The following DLGAP2 variants were observed in gnomAD, a reference collection of about 807,000 sequenced individuals.
DLGAP2 encodes disks large-associated protein 2.
DLGAP2 carries 26 observed loss-of-function variants against 100.3 expected under a neutral mutation model. The ratio of observed to expected loss-of-function variants is 0.26; its 90% CI spans 0.19 to 0.36. DLGAP2 has a LOEUF of 0.36. Among genes scored for constraint, DLGAP2 ranks in the 10% least tolerant of loss-of-function variants. The pLI, the probability that DLGAP2 is intolerant of heterozygous loss-of-function variation, is 1.00. For synonymous variants in DLGAP2, 886 were observed against 630.1 expected (o/e 1.41, Z -6.08); for missense variants, 1,858 against 1,453.2 (o/e 1.28, Z -4.53).
intron 12 of DLGAP2, among the ~76,000 whole-genome samples, chr8:1,683,938 GTATA>G (rs1260015924): frequency 1.2e-4 from 10 of 80,656 alleles, no homozygotes; most frequent in Non-Finnish European, 2.2e-4. Context: ...GTATATATGT[GTATA>G]TATATATGTG....
At chr8:993,542 C>T (rs943392647) in intron 2 of DLGAP2, among the ~76,000 whole-genome samples, 1 of 151,910 alleles carries the variant, frequency 6.6e-6, no homozygotes, top group African/African-American at 2.4e-5. Context: ...TCTCTCCCAT[C>T]TCCAGGAACT....
At chr8:1,131,234 C>T (rs1036897621) in intron 2 of DLGAP2, among the ~76,000 whole-genome samples, 3 of 152,100 alleles carry the variant, frequency 2.0e-5, no homozygotes, top group Admixed American at 6.5e-5. Context: ...GTGCCGGGCA[C>T]GTGCCTGCTT....
intron 2 of DLGAP2, among the ~76,000 whole-genome samples, chr8:1,003,884 A>C (rs986612277): frequency 6.6e-6 from 1 of 152,156 alleles, no homozygotes; most frequent in Admixed American, 6.5e-5. Flanking sequence ...CCATACAGAC[A>C]TTTCTTACTT....
At chr8:1,640,527 C>A (rs978125700) in intron 8 of DLGAP2, among the ~76,000 whole-genome samples, 2 of 152,178 alleles carry the variant, frequency 1.3e-5, no homozygotes, top group African/African-American at 4.8e-5. Flanking sequence ...TTGTCATGAT[C>A]CCCATTAGAA....
At chr8:903,002 T>TTCGG (rs1798293549) in intron 1 of DLGAP2, among the ~76,000 whole-genome samples, 3 of 9,658 alleles carry the variant, frequency 3.1e-4, no homozygotes, top group African/African-American at 1.3e-3. Flanking sequence ...GCGGAAAGTG[T>TTCGG]GTGGGTGGGC....
At chr8:1,510,654 G>A (rs1800129588) in intron 4 of DLGAP2, among the ~76,000 whole-genome samples, 1 of 152,226 alleles carries the variant, frequency 6.6e-6, no homozygotes, top group South Asian at 2.1e-4. Context: ...TTCTGCAGGT[G>A]AGGAAACTGA....
At chr8:1,192,063 T>C (rs771004608) in intron 2 of DLGAP2, among the ~76,000 whole-genome samples, 1 of 152,200 alleles carries the variant, frequency 6.6e-6, no homozygotes, top group Non-Finnish European at 1.5e-5. Flanking sequence ...CTCCCAGGGC[T>C]CTCTGAGATG....
chr8:938,100 T>C (rs1799112771), intron 2 of DLGAP2, among the ~76,000 whole-genome samples: 1 of 152,130 alleles, frequency 6.6e-6, no homozygotes, highest in South Asian at 2.1e-4. Flanking sequence ...GCTTCCTGAC[T>C]TAGGACATCA....
At chr8:1,505,317 AC>A (rs759499451) in intron 4 of DLGAP2, among the ~76,000 whole-genome samples, 2 of 152,234 alleles carry the variant, frequency 1.3e-5, no homozygotes, top group Non-Finnish European at 2.9e-5. Context: ...ATTTTACAGC[AC>A]AGTATAGGTT....
intron 8 of DLGAP2, among the ~76,000 whole-genome samples, chr8:1,667,399 G>A (rs904739451): frequency 3.3e-5 from 5 of 152,148 alleles, no homozygotes; most frequent in African/African-American, 9.7e-5. Context: ...ACTCGAGTTT[G>A]GGAGGAGACT....
Position 1,213,492 on chromosome 8 carries a change from T to C in DLGAP2, c.74-45359T>C, listed in dbSNP as rs116527884. On this transcript the variant is annotated intron_variant, in intron 2 of 14. Coordinates refer to ENST00000637795, the MANE Select transcript of DLGAP2 (RefSeq NM_001346810.2). Reference sequence around the variant, plus strand: ...ACTCACCATATTGCTCACATTATAATGTTAAATATTCCTGACTTTATATCA... The same window carrying C: ...ACTCACCATATTGCTCACATTATAACGTTAAATATTCCTGACTTTATATCA... Among the ~76,000 whole-genome samples, 1,044 of 152,324 alleles carry C rather than the reference T, an allele frequency of 6.9e-3. 17 individuals carry two copies. Among genetic ancestry groups the C allele is most frequent in the African/African-American group, 0.023 (968 of 41,570 alleles).
At chr8:771,794 A>C (rs1821368266) in intron 1 of DLGAP2, among the ~76,000 whole-genome samples, 1 of 152,224 alleles carries the variant, frequency 6.6e-6, no homozygotes, top group South Asian at 2.1e-4. Flanking sequence ...TAACCATAAA[A>C]ATTGAAGTGG....
intron 2 of DLGAP2, among the ~76,000 whole-genome samples, chr8:1,190,897 C>T (rs1036935218): frequency 3.9e-5 from 6 of 152,080 alleles, no homozygotes; most frequent in African/African-American, 1.2e-4. Flanking sequence ...GTGCACGGGG[C>T]GTGTTTATGC....
At chr8:1,486,070 T>C (rs527736139) in intron 3 of DLGAP2, among the ~76,000 whole-genome samples, 61 of 152,300 alleles carry the variant, frequency 4.0e-4, no homozygotes, top group African/African-American at 1.5e-3. Context: ...GTCATCAGCA[T>C]GGTCTTCAAG....
In DLGAP2 at chr8:1,576,688, G is replaced by A. The variant is rs577310506; in HGVS notation, c.1442+10794G>A. On this transcript the variant is annotated intron_variant, in intron 6 of 14. Coordinates refer to ENST00000637795, the MANE Select transcript of DLGAP2 (RefSeq NM_001346810.2). The stretch of plus-strand genomic sequence containing the variant: ...ATCCAGTTTCAGCTACGTATGGCTA[G>A]CCAGTTTTCCCAGCACCATTTATTA... Among the ~76,000 whole-genome samples the A allele has an allele frequency of 6.6e-4, 100 of 152,280 alleles. 1 individual carries two copies. In the Middle Eastern group the frequency reaches 0.01, roughly 16 times the overall value.
chr8:1,445,064 C>G (rs1411057695), intron 3 of DLGAP2, among the ~76,000 whole-genome samples: 2 of 132,734 alleles, frequency 1.5e-5, no homozygotes, highest in African/African-American at 5.8e-5. Flanking sequence ...GCCACCGCGC[C>G]CAGCCAGATC....
intron 2 of DLGAP2, among the ~76,000 whole-genome samples, chr8:1,240,267 C>T (rs1223175496): frequency 1.5e-4 from 10 of 65,314 alleles, no homozygotes; most frequent in Middle Eastern, 0.011. Flanking sequence ...TACATGGCGC[C>T]GTGTCTAGTT....
intron 4 of DLGAP2, among the ~76,000 whole-genome samples, chr8:1,503,933 G>A (rs994725766): frequency 2.6e-4 from 40 of 152,156 alleles, no homozygotes; most frequent in African/African-American, 8.7e-4. Context: ...GCCATCTGGT[G>A]AGCCCAGGGA....
chr8:870,162 C>T (rs1002651775), intron 1 of DLGAP2, among the ~76,000 whole-genome samples: 8 of 152,084 alleles, frequency 5.3e-5, no homozygotes, highest in Admixed American at 5.2e-4. Flanking sequence ...TGATTTTATT[C>T]TATGGCTATT....
Sources: allele counts gnomAD v4.1 joint callset (sites outside exome capture counted in the v4.1 genomes callset), GRCh38; gene constraint gnomAD v4.1.1; transcripts MANE v1.5; gene names NCBI Gene and HGNC (gene_info 2026-07-23, HGNC 2026-07-21).